Variants in PSD3 observed in about 807,000 individuals in gnomAD.
PSD3 encodes the protein pleckstrin and Sec7 domain containing 3.
PSD3 carries 49 observed loss-of-function variants against 105.5 expected under a neutral mutation model. The observed-to-expected ratio is 0.46, with a 90% CI of 0.37 to 0.59. The LOEUF (loss-of-function observed/expected upper bound fraction) is 0.59, where lower values mean the gene tolerates loss of function less well. Ranked by LOEUF, PSD3 falls within the 20% of genes least tolerant of loss-of-function variation. The probability of loss-of-function intolerance (pLI) is 0.00; values close to 1 mark genes in which losing one functional copy is unlikely to be tolerated. For synonymous variants in PSD3, 557 were observed against 457.8 expected (o/e 1.22, Z -2.77); for missense variants, 1,561 against 1,263.8 (o/e 1.24, Z -3.57).
At position 18,818,690 on chromosome 8, in the gene PSD3, C is replaced by G. The variant is rs114377088; in HGVS notation, c.1635-13792G>C. On this transcript the variant is annotated intron_variant, in intron 4 of 15. Coordinates refer to ENST00000327040, the MANE Select transcript of PSD3 (RefSeq NM_015310.4). ...GAATAATGTCCTCTCCATACCCCCCCCAACAACCAGCAAAAAAAGGAAAGA... is the reference window on the plus strand; with the variant it reads ...GAATAATGTCCTCTCCATACCCCCCGCAACAACCAGCAAAAAAAGGAAAGA... Among the ~76,000 whole-genome samples the G allele has an allele frequency of 7.9e-3, 1,207 of 152,100 alleles. 19 individuals carry two copies. Among genetic ancestry groups the G allele is most frequent in the African/African-American group, 0.027 (1,111 of 41,490 alleles).
intron 1 of PSD3, among the ~76,000 whole-genome samples, chr8:19,005,381 A>T (rs1826624000): frequency 6.6e-6 from 1 of 152,052 alleles, no homozygotes; most frequent in Non-Finnish European, 1.5e-5. Context: ...TATGTGCAGA[A>T]CAGCAAAATC....
In PSD3 at chr8:18,936,084, G is replaced by T; in HGVS notation, c.80C>A (p.Ala27Asp). The change falls in exon 2 of 16, where the codon GCC (alanine) becomes GAC (aspartate). Residue 27 changes from alanine to aspartate, a missense_variant. Coordinates refer to ENST00000327040, the MANE Select transcript of PSD3 (RefSeq NM_015310.4). The part of the protein sequence containing the change: ...ASAHSQSVAK[A>D]KYEFLFGRSE... ...TCTGCCAAATAAAAATTCATATTTG[G>T]CCTTGGCAACACTCTGGGAATGTGC... 1 of 1,613,232 alleles carries T rather than the reference G, an allele frequency of 6.2e-7. No homozygotes were observed.
chr8:18,826,907 G>A (rs1813235834), intron 4 of PSD3, among the ~76,000 whole-genome samples: 1 of 152,048 alleles, frequency 6.6e-6, no homozygotes, highest in African/African-American at 2.4e-5. Flanking sequence ...TGATATCAAT[G>A]GTATGATAAT....
At chr8:18,687,228 C>T (rs1304188442) in intron 9 of PSD3, among the ~76,000 whole-genome samples, 1 of 152,102 alleles carries the variant, frequency 6.6e-6, no homozygotes, top group Non-Finnish European at 1.5e-5. Flanking sequence ...CTTTGGGAGG[C>T]CAAGGCGGGC....
chr8:18,661,905 GCCA>G (rs1322042892), intron 9 of PSD3, among the ~76,000 whole-genome samples: 1 of 152,016 alleles, frequency 6.6e-6, no homozygotes. Context: ...TTTAAAGAGC[GCCA>G]CATTAGAGAA....
chr8:18,758,049 C>T (rs1806201718), intron 9 of PSD3, among the ~76,000 whole-genome samples: 1 of 152,022 alleles, frequency 6.6e-6, no homozygotes, highest in South Asian at 2.1e-4. Flanking sequence ...TACAAATTCA[C>T]AGGCAGTTGT....
chr8:18,695,841 CAAG>C (rs1260763314), intron 9 of PSD3, among the ~76,000 whole-genome samples: 2 of 152,126 alleles, frequency 1.3e-5, no homozygotes, highest in Non-Finnish European at 2.9e-5. Context: ...TTGTCTGTAA[CAAG>C]AAGGAGTATG....
intron 4 of PSD3, among the ~76,000 whole-genome samples, chr8:18,826,795 A>C (rs977571191): frequency 1.3e-5 from 2 of 152,218 alleles, no homozygotes; most frequent in East Asian, 3.8e-4. Context: ...ACTGAGATGA[A>C]TATTTCTAAA....
chr8:18,680,032 C>T (rs1351374642), intron 9 of PSD3, among the ~76,000 whole-genome samples: 3 of 152,168 alleles, frequency 2.0e-5, no homozygotes, highest in Admixed American at 2.0e-4. Flanking sequence ...GAGATTCCGC[C>T]TCATTTAAAC....
At position 19,080,950 on chromosome 8, in the gene PSD3, G is replaced by A. The variant is rs117148443; in HGVS notation, c.324+3256C>T. Reference sequence around the variant, plus strand: ...AAAATTTAAGATGTGGAAATGTCCCGAAACGATGATAGAGAAAGCTTTTCC... The same window carrying A: ...AAAATTTAAGATGTGGAAATGTCCCAAAACGATGATAGAGAAAGCTTTTCC... On this transcript the variant is annotated intron_variant, in intron 1 of 1. Transcript: ENST00000521475. Among the ~76,000 whole-genome samples the A allele has an allele frequency of 1.3e-3, 198 of 152,226 alleles. 2 individuals are homozygous for A. In the South Asian group the frequency reaches 0.019, roughly 14 times the overall value.
At chr8:18,554,691 T>G (rs773613548) in intron 15 of PSD3, among the ~76,000 whole-genome samples, 1 of 152,006 alleles carries the variant, frequency 6.6e-6, no homozygotes, top group Non-Finnish European at 1.5e-5. Flanking sequence ...AGGCTCATAG[T>G]TTTGGGTAGG....
intron 1 of PSD3, among the ~76,000 whole-genome samples, chr8:19,053,222 G>T (rs1392266281): frequency 1.3e-5 from 2 of 152,102 alleles, no homozygotes; most frequent in Admixed American, 1.3e-4. Context: ...GATGACTGGA[G>T]TAACGTCTTA....
intron 4 of PSD3, among the ~76,000 whole-genome samples, chr8:18,843,530 T>A (rs1187982385): frequency 1.3e-5 from 2 of 152,148 alleles, no homozygotes; most frequent in African/African-American, 2.4e-5. Context: ...TTCAGAGCAC[T>A]CTGTATTCTG....
intron 2 of PSD3, among the ~76,000 whole-genome samples, chr8:18,912,076 G>A (rs1474615257): frequency 6.6e-6 from 1 of 152,132 alleles, no homozygotes; most frequent in Admixed American, 6.5e-5. Flanking sequence ...CAACCCACTA[G>A]ACCAGGTTTC....
intron 9 of PSD3, chr8:18,762,837 T>C: frequency 3.2e-6 from 3 of 952,036 alleles, no homozygotes; most frequent in Non-Finnish European, 4.2e-6. Context: ...AGGTCTATTT[T>C]TTCTTAACCC....
intron 1 of PSD3, 63 bp downstream of exon 1, chr8:19,013,500 C>A (rs868345370): frequency 6.3e-7 from 1 of 1,578,790 alleles, no homozygotes; most frequent in Non-Finnish European, 8.5e-7. Flanking sequence ...GCAACACAAA[C>A]CCCACGTCGA....
chr8:18,684,163 G>T, intron 9 of PSD3: 2 of 365,880 alleles, frequency 5.5e-6, no homozygotes, highest in Non-Finnish European at 5.0e-6. Flanking sequence ...GCTGCAAAGA[G>T]GAAAAAAATG....
chr8:19,049,561 C>T (rs895966965), intron 1 of PSD3, among the ~76,000 whole-genome samples: 4 of 151,822 alleles, frequency 2.6e-5, no homozygotes, highest in Non-Finnish European at 5.9e-5. Flanking sequence ...CATAGTGGTG[C>T]AAACCTGTAG....
chr8:18,918,733 C>A (rs1339495445), intron 2 of PSD3, among the ~76,000 whole-genome samples: 1 of 152,120 alleles, frequency 6.6e-6, no homozygotes, highest in Non-Finnish European at 1.5e-5. Flanking sequence ...TCCAGCTATG[C>A]AACACAGCTT....
Sources: gnomAD v4.1 joint callset for allele counts (sites outside exome capture counted in the v4.1 genomes callset) on GRCh38, gnomAD v4.1.1 for gene constraint, MANE v1.5 for transcripts, NCBI Gene and HGNC (gene_info 2026-07-23, HGNC 2026-07-21) for gene names.